Variants in HAVCR2 observed in about 807,000 individuals in gnomAD.
HAVCR2 encodes the protein hepatitis A virus cellular receptor 2.
HAVCR2 carries 13 observed loss-of-function variants against 24.7 expected under a neutral mutation model. That is an observed-to-expected ratio of 0.53 (90% CI 0.34 to 0.84). The LOEUF (loss-of-function observed/expected upper bound fraction) is 0.84, where lower values mean the gene tolerates loss of function less well. HAVCR2 is among the 40% of genes least tolerant of loss of function. The probability of loss-of-function intolerance (pLI) is 0.01; values close to 1 mark genes in which losing one functional copy is unlikely to be tolerated. For missense variants in HAVCR2, 343 were observed against 371.2 expected (o/e 0.92, Z 0.62); for synonymous variants, 154 against 143.4 (o/e 1.07, Z -0.53).
At chr5:157,093,749 A>T (rs1304870879) in intron 5 of HAVCR2, among the ~76,000 whole-genome samples, 1 of 152,166 alleles carries the variant, frequency 6.6e-6, no homozygotes, top group Non-Finnish European at 1.5e-5. Flanking sequence ...GATCAAGAAC[A>T]TCTTGCCCAA....
intron 2 of HAVCR2, 122 bp downstream of exon 2, chr5:157,106,505 G>C: frequency 1.3e-6 from 1 of 744,874 alleles, no homozygotes; most frequent in Non-Finnish European, 2.2e-6. Flanking sequence ...TTAAACTTTA[G>C]GTCTTAGTGG....
At chr5:157,104,930 C>T (rs1757224882) in intron 2 of HAVCR2, 181 bp from the exon 3 acceptor site, 3 of 439,834 alleles carry the variant, frequency 6.8e-6, no homozygotes, top group Admixed American at 7.5e-5. Context: ...AAATGTTTGA[C>T]AAAGGTAAGA....
At chr5:157,102,621 G>A (rs1757183584) in intron 3 of HAVCR2, among the ~76,000 whole-genome samples, 1 of 151,978 alleles carries the variant, frequency 6.6e-6, no homozygotes, top group Non-Finnish European at 1.5e-5. Flanking sequence ...TGCCCTAGAG[G>A]GAAGGAACTA....
rs34491013 is a variant in HAVCR2, at chr5:157,102,934, C to CA, written c.478+1731dup. 4.1e-3 allele frequency among the ~76,000 whole-genome samples: 488 copies of CA among 119,372 alleles called. 20 individuals carry two copies. The highest frequency in any genetic ancestry group is 0.015 in the Middle Eastern group (3 of 206). 78.3% of individuals were successfully genotyped at this position (119,372 alleles called of 152,430 possible). ...TGGGTGAGAGAGTGAGACTCCGTCTCAAAAAAAAAAAAAAAGGAAAGAAAA... is the reference window on the plus strand; with the variant it reads ...TGGGTGAGAGAGTGAGACTCCGTCTCAAAAAAAAAAAAAAAAGGAAAGAAAA... On this transcript the variant is annotated intron_variant, in intron 3 of 6. Transcript: ENST00000307851.
intron 5 of HAVCR2, among the ~76,000 whole-genome samples, chr5:157,093,796 T>G (rs759948153): frequency 9.2e-5 from 14 of 151,960 alleles, no homozygotes; most frequent in Non-Finnish European, 1.8e-4. Flanking sequence ...AATATAAAAA[T>G]TAGCCAGGCG....
intron 2 of HAVCR2, 189 bp downstream of exon 2, chr5:157,106,438 G>A: frequency 3.4e-6 from 2 of 595,580 alleles, no homozygotes; most frequent in Non-Finnish European, 5.9e-6. Flanking sequence ...GCACACCCAT[G>A]AGTTTTAAAA....
chr5:157,105,574 A>G (rs2113695074), intron 2 of HAVCR2, among the ~76,000 whole-genome samples: 1 of 152,314 alleles, frequency 6.6e-6, no homozygotes, highest in East Asian at 1.9e-4. Flanking sequence ...CTAATGGCCC[A>G]CATGATCGGT....
In HAVCR2 at chr5:157,098,723, T is replaced by C. The variant is rs544327546; in HGVS notation, c.522+135A>G. The C allele has an allele frequency of 3.2e-5, 24 of 755,276 alleles. No homozygotes were observed. In the Admixed American group the frequency reaches 4.4e-4, roughly 14 times the overall value. The allele number at this position is 755,276 out of a possible 1,614,324, so 46.8% of individuals were successfully genotyped here. A position where few individuals can be genotyped will look rare whatever the true frequency, so the allele number is the denominator to read the frequency against. On this transcript the variant is annotated intron_variant, in intron 4 of 6. Coordinates refer to ENST00000307851, the MANE Select transcript of HAVCR2 (RefSeq NM_032782.5). ...GGTTAGAACTGTCATCATCAACATG[T>C]TACAGCCCAGGAATCTGAAGCTAAG...
Position 157,086,839 on chromosome 5 carries a change from T to G in HAVCR2, c.*263A>C. On this transcript the variant is annotated 3_prime_UTR_variant, in exon 7 of 7. Transcript: ENST00000307851. Reference sequence around the variant, plus strand: ...CCCCACGTCAAGAATTCCTAGTGTATATAAAAGCCCGTTTGAGCTCTAACA... The same window carrying G: ...CCCCACGTCAAGAATTCCTAGTGTAGATAAAAGCCCGTTTGAGCTCTAACA... 1 of 402,654 alleles carries G rather than the reference T, an allele frequency of 2.5e-6. No individual in the cohort carries two copies. Among genetic ancestry groups the G allele is most frequent in the Admixed American group, 4.6e-5 (1 of 21,722 alleles). The allele number at this position is 402,654 out of a possible 1,614,324, so 24.9% of individuals were successfully genotyped here.
In HAVCR2 at chr5:157,087,159, A is replaced by T. The variant is rs1175668367; in HGVS notation, c.849T>A (p.Tyr283Ter). The T allele has an allele frequency of 3.1e-6, 5 of 1,614,044 alleles. No homozygotes were observed. The South Asian group carries it at 4.4e-5, about 14-fold the overall frequency. Residue 283 changes from tyrosine (Y) to a stop codon, truncating the protein, a stop_gained, in exon 7 of 7, where the codon TAT becomes TAA. Coordinates refer to ENST00000307851, the MANE Select transcript of HAVCR2 (RefSeq NM_032782.5). LOFTEE classifies it low-confidence loss of function (END_TRUNC). ...GTGAGGGTTGCTGCCTGCTGCTGAC[A>T]TAGCAATAATACTCATTGGGCTCCT... The part of the protein sequence containing the change: ...EVEEPNEYYC[Y>*]VSSRQQPSQP...
At chr5:157,093,097 G>A (rs1232667566) in intron 5 of HAVCR2, among the ~76,000 whole-genome samples, 3 of 138,902 alleles carry the variant, frequency 2.2e-5, no homozygotes, top group South Asian at 2.2e-4. Flanking sequence ...ATATATATGT[G>A]TATACATATA....
chr5:157,100,024 C>A (rs1416912718), intron 3 of HAVCR2, among the ~76,000 whole-genome samples: 1 of 152,138 alleles, frequency 6.6e-6, no homozygotes, highest in Admixed American at 6.6e-5. Flanking sequence ...ATAAGTTTTG[C>A]ATTTACTCAT....
chr5:157,099,671 C>T (rs1757142941), intron 3 of HAVCR2, among the ~76,000 whole-genome samples: 1 of 152,030 alleles, frequency 6.6e-6, no homozygotes, highest in Admixed American at 6.6e-5. Flanking sequence ...ACAATCTCAA[C>T]TCACTGCAAC....
chr5:157,097,638 T>C, intron 4 of HAVCR2, among the ~76,000 whole-genome samples: 1 of 152,040 alleles, frequency 6.6e-6, no homozygotes. Flanking sequence ...TCGCTCTTGT[T>C]GCCCAGGCTG....
chr5:157,104,316 C>T (rs989619151), intron 3 of HAVCR2, among the ~76,000 whole-genome samples: 3 of 152,188 alleles, frequency 2.0e-5, no homozygotes, highest in African/African-American at 7.2e-5. Flanking sequence ...CAAACACAGA[C>T]TGACACCAGT....
chr5:157,095,201 TA>T, intron 5 of HAVCR2, 104 bp downstream of exon 5: 1 of 1,205,744 alleles, frequency 8.3e-7, no homozygotes, highest in Non-Finnish European at 1.2e-6. Context: ...GTATTTAGTC[TA>T]ATCATCTTTG....
rs771260183 is a variant in HAVCR2, at chr5:157,106,604, A to G, written c.394+23T>C. On this transcript the variant is annotated intron_variant, in intron 2 of 6. Coordinates refer to ENST00000307851, the MANE Select transcript of HAVCR2 (RefSeq NM_032782.5). ...CCACAGATAAATCTTATTCATAAAG[A>G]TGGCATGCAAATGTCCACTCACCTG... 3.2e-6 allele frequency: 5 copies of G among 1,557,118 alleles called. No individual in the cohort carries two copies. The South Asian group carries it at 5.6e-5, about 17-fold the overall frequency.
Position 157,086,791 on chromosome 5 carries a change from C to T in HAVCR2, c.*311G>A, listed in dbSNP as rs969848068. The T allele has an allele frequency of 7.3e-6, 2 of 272,148 alleles. No individual in the cohort carries two copies. The highest frequency in any genetic ancestry group is 2.2e-5 in the African/African-American group (1 of 44,524). 16.9% of individuals were successfully genotyped at this position (272,148 alleles called of 1,614,324 possible). A position where few individuals can be genotyped will look rare whatever the true frequency, so the allele number is the denominator to read the frequency against. The stretch of plus-strand genomic sequence containing the variant: ...AAGTTTCATGGACATATGATGTGCC[C>T]GAATTTCCTGGAGCTCCAGAGACCC... On this transcript the variant is annotated 3_prime_UTR_variant, in exon 7 of 7. Coordinates refer to ENST00000307851, the MANE Select transcript of HAVCR2 (RefSeq NM_032782.5).
chr5:157,104,816 A>AG (rs1757222439), intron 2 of HAVCR2, 67 bp from the exon 3 acceptor site: 1 of 1,131,302 alleles, frequency 8.8e-7, no homozygotes, highest in Admixed American at 2.2e-5. Context: ...AGGGAATCAA[A>AG]GGGGCAGCAA....
Sources: allele counts gnomAD v4.1 joint callset (sites outside exome capture counted in the v4.1 genomes callset), GRCh38; gene constraint gnomAD v4.1.1; transcripts MANE v1.5; gene names NCBI Gene and HGNC (gene_info 2026-07-23, HGNC 2026-07-21).